Variants in RNF185 observed in about 807,000 individuals in gnomAD.
The protein encoded by RNF185 is E3 ubiquitin-protein ligase RNF185.
Under a neutral mutation model 24.9 loss-of-function variants are expected in RNF185, and 13 were observed. The ratio of observed to expected loss-of-function variants is 0.52; its 90% confidence interval spans 0.34 to 0.83. RNF185 has a LOEUF of 0.83. RNF185 is among the 40% of genes least tolerant of loss of function. The pLI is 0.01. For missense variants in RNF185, 184 were observed against 244.7 expected (o/e 0.75, Z 1.65); for synonymous variants, 79 against 90.3 (o/e 0.88, Z 0.71).
At chr22:31,188,858 C>T (rs1413086082) in intron 2 of RNF185, among the ~76,000 whole-genome samples, 3 of 151,388 alleles carry the variant, frequency 2.0e-5, no homozygotes, top group Non-Finnish European at 2.9e-5. Flanking sequence ...CGGTGGCTCA[C>T]GCCTGTAATC....
chr22:31,164,320 C>T (rs998564905), intron 1 of RNF185, among the ~76,000 whole-genome samples: 1 of 152,138 alleles, frequency 6.6e-6, no homozygotes, highest in Non-Finnish European at 1.5e-5. Context: ...ACTAAACTTG[C>T]AAAAATAATT....
chr22:31,162,526 T>G (rs1416227610), intron 1 of RNF185, among the ~76,000 whole-genome samples: 1 of 152,136 alleles, frequency 6.6e-6, no homozygotes, highest in Non-Finnish European at 1.5e-5. Flanking sequence ...AATACCACAT[T>G]AAAACCACTG....
At chr22:31,179,345 G>A (rs1277399803) in intron 1 of RNF185, among the ~76,000 whole-genome samples, 5 of 152,154 alleles carry the variant, frequency 3.3e-5, no homozygotes, top group Admixed American at 3.3e-4. Flanking sequence ...AATCCCCAGG[G>A]GAAGCTGCTG....
chr22:31,187,937 G>GT (rs1004194180), intron 2 of RNF185, among the ~76,000 whole-genome samples: 1 of 127,612 alleles, frequency 7.8e-6, no homozygotes. Context: ...GTGTGTGTGT[G>GT]TTTTTTTTTG....
At chr22:31,196,286 A>G (rs1297515082) in intron 4 of RNF185, among the ~76,000 whole-genome samples, 2 of 152,074 alleles carry the variant, frequency 1.3e-5, no homozygotes, top group African/African-American at 4.8e-5. Context: ...TCTTCTTCAC[A>G]TTAGTTGCTC....
intron 1 of RNF185, among the ~76,000 whole-genome samples, chr22:31,180,913 C>CTGTGTGTGTGTG (rs751657598): frequency 1.6e-5 from 1 of 60,862 alleles, no homozygotes. Flanking sequence ...TTCTCTCTCT[C>CTGTGTGTGTGTG]TCTGTGTGTG....
intron 1 of RNF185, among the ~76,000 whole-genome samples, chr22:31,166,898 C>A (rs530716818): frequency 7.9e-4 from 121 of 152,280 alleles, no homozygotes; most frequent in Middle Eastern, 6.8e-3. Context: ...GATCCACCCA[C>A]CTCAGCCTCC....
intron 1 of RNF185, among the ~76,000 whole-genome samples, chr22:31,163,371 A>G (rs1309208302): frequency 6.6e-6 from 1 of 151,542 alleles, no homozygotes; most frequent in African/African-American, 2.4e-5. Context: ...TCTGTTGCCC[A>G]GGCTGGAGTG....
intron 3 of RNF185, among the ~76,000 whole-genome samples, chr22:31,194,589 G>A (rs994296428): frequency 5.3e-5 from 8 of 151,986 alleles, no homozygotes; most frequent in Non-Finnish European, 1.2e-4. Context: ...TTAGCTGGGC[G>A]CAGTGGTGGG....
intron 1 of RNF185, chr22:31,182,910 T>TATC (rs766013274): frequency 7.0e-5 from 10 of 143,448 alleles, no homozygotes; most frequent in Non-Finnish European, 1.5e-4. Flanking sequence ...TTATTTTATT[T>TATC]ATTATTATTA....
chr22:31,177,279 A>G (rs1254784477), intron 1 of RNF185, among the ~76,000 whole-genome samples: 1 of 151,800 alleles, frequency 6.6e-6, no homozygotes, highest in Non-Finnish European at 1.5e-5. Flanking sequence ...CTGGCAAATA[A>G]TAGGATCTTT....
At chr22:31,194,284 C>CA (rs767166717) in intron 3 of RNF185, among the ~76,000 whole-genome samples, 1 of 151,842 alleles carries the variant, frequency 6.6e-6, no homozygotes, top group Non-Finnish European at 1.5e-5. Context: ...TAGGTGAATG[C>CA]AAAAAATCAA....
intron 1 of RNF185, among the ~76,000 whole-genome samples, chr22:31,177,498 A>T (rs1168122038): frequency 6.6e-6 from 1 of 152,162 alleles, no homozygotes; most frequent in South Asian, 2.1e-4. Context: ...AAGCTGGTTT[A>T]TGTGTTTCCA....
chr22:31,188,439 GA>G (rs776082003), intron 2 of RNF185, among the ~76,000 whole-genome samples: 82 of 152,140 alleles, frequency 5.4e-4, no homozygotes, highest in Non-Finnish European at 1.1e-3. Context: ...ACCAGGACTT[GA>G]AATGATTGAC....
rs139370330 is a variant in RNF185, at chr22:31,198,813, G to A, written c.363+1823G>A. 4.3e-4 allele frequency among the ~76,000 whole-genome samples: 61 copies of A among 142,032 alleles called. 1 individual carries two copies. Among genetic ancestry groups the A allele is most frequent in the Admixed American group, 3.0e-3 (41 of 13,466 alleles). 93.2% of individuals were successfully genotyped at this position (142,032 alleles called of 152,430 possible). ...GATCTTGAAAGAAATTAAGGTTCTCGGCTGGGCGTGGTGGCTCACACCTGT... is the reference window on the plus strand; with the variant it reads ...GATCTTGAAAGAAATTAAGGTTCTCAGCTGGGCGTGGTGGCTCACACCTGT... On this transcript the variant is annotated intron_variant, in intron 5 of 6. Transcript: ENST00000326132.
At chr22:31,162,822 T>G (rs1420163688) in intron 1 of RNF185, among the ~76,000 whole-genome samples, 3 of 150,874 alleles carry the variant, frequency 2.0e-5, no homozygotes, top group Admixed American at 6.7e-5. Context: ...TGGAATGCAG[T>G]GGCTCCATCT....
At chr22:31,189,125 C>CA (rs1156306433) in intron 2 of RNF185, among the ~76,000 whole-genome samples, 10 of 63,484 alleles carry the variant, frequency 1.6e-4, no homozygotes, top group East Asian at 3.7e-4. Flanking sequence ...GACTCTGTCT[C>CA]AAAAAAAAAA....
intron 6 of RNF185, among the ~76,000 whole-genome samples, chr22:31,202,272 C>G (rs767929131): frequency 1.3e-5 from 2 of 152,080 alleles, no homozygotes; most frequent in Non-Finnish European, 2.9e-5. Flanking sequence ...GCCTTGAACT[C>G]TTATCACAGT....
At chr22:31,173,665 A>G (rs9621208) in intron 1 of RNF185, among the ~76,000 whole-genome samples, 3 of 152,242 alleles carry the variant, frequency 2.0e-5, no homozygotes, top group Non-Finnish European at 4.4e-5. Context: ...AGGGATGCTA[A>G]TGATGATACA....
Sources: allele counts gnomAD v4.1 joint callset (sites outside exome capture counted in the v4.1 genomes callset), GRCh38; gene constraint gnomAD v4.1.1; transcripts MANE v1.5; gene names NCBI Gene and HGNC (gene_info 2026-07-23, HGNC 2026-07-21).